SNX29: variants seen among roughly 807,000 people sequenced by gnomAD.
The protein encoded by SNX29 is sorting nexin 29.
Under a neutral mutation model 102.1 loss-of-function variants are expected in SNX29, and 78 were observed. That is an observed-to-expected ratio of 0.76 (90% CI 0.64 to 0.92). The LOEUF (loss-of-function observed/expected upper bound fraction) is 0.92. Ranked by LOEUF, SNX29 falls within the 40% of genes least tolerant of loss-of-function variation. The pLI, the probability that SNX29 is intolerant of heterozygous loss-of-function variation, is 0.00. For synonymous variants in SNX29, 580 were observed against 414.5 expected (o/e 1.40, Z -4.85); for missense variants, 1,280 against 1,061.7 (o/e 1.21, Z -2.86).
At chr16:12,064,409 C>T (rs1039952898) in intron 9 of SNX29, among the ~76,000 whole-genome samples, 7 of 152,218 alleles carry the variant, frequency 4.6e-5, no homozygotes, top group Admixed American at 1.3e-4. Flanking sequence ...GTCCCACACC[C>T]GGCTGTCAGC....
At chr16:12,322,685 G>A (rs1305081980) in intron 15 of SNX29, among the ~76,000 whole-genome samples, 2 of 152,038 alleles carry the variant, frequency 1.3e-5, no homozygotes, top group Non-Finnish European at 1.5e-5. Context: ...CCATTAGGAC[G>A]CGGTCGCTGG....
At chr16:12,362,842 C>T (rs559866499) in intron 16 of SNX29, among the ~76,000 whole-genome samples, 22 of 152,250 alleles carry the variant, frequency 1.4e-4, no homozygotes, top group African/African-American at 3.4e-4. Context: ...ATCTTTCCCG[C>T]GTCCACAAGG....
At chr16:12,028,174 G>A (rs1005444946) in intron 4 of SNX29, among the ~76,000 whole-genome samples, 3 of 152,162 alleles carry the variant, frequency 2.0e-5, no homozygotes, top group African/African-American at 7.2e-5. Context: ...CACTATGTCA[G>A]TGTCGTTGCT....
At chr16:12,337,526 G>T (rs1344548852) in intron 15 of SNX29, among the ~76,000 whole-genome samples, 1 of 152,070 alleles carries the variant, frequency 6.6e-6, no homozygotes, top group Non-Finnish European at 1.5e-5. Context: ...ATTTTCTGTA[G>T]AGACGAGGTT....
chr16:12,089,667 T>C, intron 11 of SNX29: 1 of 176,710 alleles, frequency 5.7e-6, no homozygotes, highest in Non-Finnish European at 1.2e-5. Flanking sequence ...AGGGGGAGAG[T>C]GAGTTGGAGG....
intron 11 of SNX29, among the ~76,000 whole-genome samples, chr16:12,095,498 G>A (rs576450015): frequency 6.6e-6 from 1 of 152,274 alleles, no homozygotes; most frequent in South Asian, 2.1e-4. Flanking sequence ...GAGAGCAGTG[G>A]TCTTTTCTAG....
Position 12,570,052 on chromosome 16 carries a change from C to T in SNX29, c.*1423C>T, listed in dbSNP as rs2079153724. 1.9e-5 allele frequency: 10 copies of T among 533,860 alleles called. No individual in the cohort carries two copies. Among genetic ancestry groups the T allele is most frequent in the Admixed American group, 1.1e-4 (2 of 18,066 alleles). The allele number at this position is 533,860 out of a possible 1,614,324, so 33.1% of individuals were successfully genotyped here. On this transcript the variant is annotated 3_prime_UTR_variant, in exon 21 of 21. Transcript: ENST00000566228. The stretch of plus-strand genomic sequence containing the variant: ...ATGGAGCATCTCCTAGGCTCGAGGA[C>T]ATCTCTGGAGAATCATCTGGAAGGT...
intron 4 of SNX29, among the ~76,000 whole-genome samples, chr16:12,038,078 A>G (rs898160775): frequency 3.9e-5 from 6 of 152,218 alleles, no homozygotes; most frequent in African/African-American, 1.4e-4. Context: ...TTGAGCACCA[A>G]TTATATGCCA....
chr16:12,177,003 A>C (rs567275691), intron 13 of SNX29, among the ~76,000 whole-genome samples: 1 of 152,082 alleles, frequency 6.6e-6, no homozygotes, highest in South Asian at 2.1e-4. Context: ...GCTGGAGTGT[A>C]GTGGCTCAAT....
At chr16:12,545,473 A>T (rs2077552051) in intron 20 of SNX29, 1 of 151,792 alleles carries the variant, frequency 6.6e-6, no homozygotes, top group South Asian at 2.1e-4. Flanking sequence ...GATGCCAGTG[A>T]CTCTCCTCCT....
rs73512066 is a variant in SNX29, at chr16:12,572,466, C to A, written c.*3837C>A. On this transcript the variant is annotated 3_prime_UTR_variant, in exon 21 of 21. Coordinates refer to ENST00000566228, the MANE Select transcript of SNX29 (RefSeq NM_032167.5). ...GGTTCTGCATGGTACATTTTGCCAACCCTGAGGACCAGTTCTTGGGGTTCC... is the reference window on the plus strand; with the variant it reads ...GGTTCTGCATGGTACATTTTGCCAAACCTGAGGACCAGTTCTTGGGGTTCC... 4.0e-4 allele frequency: 427 copies of A among 1,063,726 alleles called. No individual in the cohort carries two copies. The African/African-American group carries it at 6.3e-3, about 16-fold the overall frequency. 65.9% of individuals were successfully genotyped at this position (1,063,726 alleles called of 1,614,324 possible). A position where few individuals can be genotyped will look rare whatever the true frequency, so the allele number is the denominator to read the frequency against.
chr16:12,548,844 G>A (rs1468635642), intron 20 of SNX29, among the ~76,000 whole-genome samples: 3 of 152,198 alleles, frequency 2.0e-5, no homozygotes, highest in African/African-American at 4.8e-5. Flanking sequence ...CTAGCTCTCA[G>A]TTCCTCTGCT....
chr16:12,509,349 C>G (rs888442873), intron 19 of SNX29, among the ~76,000 whole-genome samples: 2 of 152,164 alleles, frequency 1.3e-5, no homozygotes, highest in Non-Finnish European at 2.9e-5. Context: ...CCACACCACC[C>G]AAGCAGTTGC....
intron 20 of SNX29, among the ~76,000 whole-genome samples, chr16:12,549,459 A>T (rs1023193020): frequency 3.3e-5 from 5 of 151,172 alleles, no homozygotes; most frequent in Admixed American, 6.6e-5. Context: ...TGCACCATTG[A>T]ACTCCAGCGT....
At chr16:12,567,344 C>T (rs776524668) in intron 20 of SNX29, among the ~76,000 whole-genome samples, 2 of 152,152 alleles carry the variant, frequency 1.3e-5, no homozygotes, top group African/African-American at 4.8e-5. Flanking sequence ...GACATGGATC[C>T]TGTTAGGTTT....
chr16:12,169,330 G>A (rs1209118512), intron 13 of SNX29, among the ~76,000 whole-genome samples: 8 of 152,168 alleles, frequency 5.3e-5, no homozygotes. Context: ...GCCCCGTGAG[G>A]CTGTGACACT....
chr16:11,983,757 T>G, intron 1 of SNX29: 1 of 954,370 alleles, frequency 1.0e-6, no homozygotes, highest in Non-Finnish European at 1.2e-6. Context: ...AATTTGGAAC[T>G]AAAATCCAAG....
chr16:12,426,994 G>A (rs1567551627), intron 18 of SNX29, among the ~76,000 whole-genome samples: 1 of 152,164 alleles, frequency 6.6e-6, no homozygotes, highest in Non-Finnish European at 1.5e-5. Flanking sequence ...ATGTCAGCTT[G>A]GAAAGCTATT....
chr16:12,074,390 G>T (rs1212666238), intron 10 of SNX29, among the ~76,000 whole-genome samples: 1 of 151,824 alleles, frequency 6.6e-6, no homozygotes, highest in Admixed American at 6.6e-5. Context: ...CTCAGCATTT[G>T]CTTGTCTGTA....
Sources: gnomAD v4.1 joint callset for allele counts (sites outside exome capture counted in the v4.1 genomes callset) on GRCh38, gnomAD v4.1.1 for gene constraint, MANE v1.5 for transcripts, NCBI Gene and HGNC (gene_info 2026-07-23, HGNC 2026-07-21) for gene names.